Variants in CFAP95 observed in about 807,000 individuals in gnomAD.
CFAP95 encodes the protein cilia- and flagella-associated protein 95.
At chr9:69,905,792 A>AT in the CFAP95 span, among the ~76,000 whole-genome samples, 1 of 152,264 alleles carries the variant, frequency 6.6e-6, no homozygotes, top group African/African-American at 2.4e-5. Context: ...TGCAATAGCC[A>AT]TTTTTTTAAC....
At chr9:69,825,685 C>G in the CFAP95 span, among the ~76,000 whole-genome samples, 3 of 152,124 alleles carry the variant, frequency 2.0e-5, no homozygotes, top group Non-Finnish European at 2.9e-5. Flanking sequence ...AGGATATCTT[C>G]CCACTCATTG....
At chr9:69,862,420 A>C in the CFAP95 span, among the ~76,000 whole-genome samples, 1 of 152,236 alleles carries the variant, frequency 6.6e-6, no homozygotes, top group African/African-American at 2.4e-5. Flanking sequence ...TTCCATATGT[A>C]ATTCTTTCTT....
At chr9:69,888,542 G>T in the CFAP95 span, among the ~76,000 whole-genome samples, 2 of 152,084 alleles carry the variant, frequency 1.3e-5, no homozygotes, top group Admixed American at 1.3e-4. Flanking sequence ...AAGACAAAAA[G>T]ATTTTTCTTT....
At chr9:69,841,653 A>G in the CFAP95 span, among the ~76,000 whole-genome samples, 2 of 152,200 alleles carry the variant, frequency 1.3e-5, no homozygotes, top group Non-Finnish European at 2.9e-5. Context: ...GACATACACA[A>G]GACTGGGTAA....
At chr9:69,900,243 A>G in the CFAP95 span, among the ~76,000 whole-genome samples, 43 of 152,074 alleles carry the variant, frequency 2.8e-4, 2 homozygotes, top group South Asian at 8.5e-3. Flanking sequence ...TCTCCCCTGA[A>G]AAAAGTATAT....
chr9:69,821,467 G>A, the CFAP95 span, among the ~76,000 whole-genome samples: 1 of 152,030 alleles, frequency 6.6e-6, no homozygotes, highest in Non-Finnish European at 1.5e-5. Context: ...GTGAAAAGGG[G>A]GTGCTGTCAG....
the CFAP95 span, among the ~76,000 whole-genome samples, chr9:69,845,512 G>A: frequency 1.3e-5 from 2 of 152,158 alleles, no homozygotes; most frequent in East Asian, 1.9e-4. Flanking sequence ...GTAAAAAGAC[G>A]CATAATTCCA....
At chr9:69,850,507 A>G in the CFAP95 span, among the ~76,000 whole-genome samples, 1 of 152,240 alleles carries the variant, frequency 6.6e-6, no homozygotes, top group African/African-American at 2.4e-5. Flanking sequence ...ATGTCCTAAA[A>G]GGGATACAAA....
chr9:69,871,454 G>A, the CFAP95 span, among the ~76,000 whole-genome samples: 1 of 151,892 alleles, frequency 6.6e-6, no homozygotes, highest in African/African-American at 2.4e-5. Flanking sequence ...AGAAAACAGA[G>A]AACAGATTGG....
At chr9:69,858,088 T>C in the CFAP95 span, 3 of 900,360 alleles carry the variant, frequency 3.3e-6, no homozygotes, top group African/African-American at 4.9e-5. Flanking sequence ...AAATGCCCTT[T>C]ACATGACATC....
the CFAP95 span, among the ~76,000 whole-genome samples, chr9:69,832,585 T>G: frequency 1.3e-5 from 2 of 149,934 alleles, no homozygotes; most frequent in Non-Finnish European, 1.5e-5. Flanking sequence ...CTGTGATAAT[T>G]TTCTTTATTT....
At chr9:69,896,343 A>G in the CFAP95 span, among the ~76,000 whole-genome samples, 5 of 152,386 alleles carry the variant, frequency 3.3e-5, no homozygotes, top group Admixed American at 1.3e-4. Flanking sequence ...GATGCTGGCC[A>G]TAACAAAAAT....
the CFAP95 span, among the ~76,000 whole-genome samples, chr9:69,851,623 G>T: frequency 6.6e-6 from 1 of 152,094 alleles, no homozygotes; most frequent in Admixed American, 6.5e-5. Flanking sequence ...AGACTATTTT[G>T]TGACAAGAAG....
chr9:69,897,135 T>G, the CFAP95 span, among the ~76,000 whole-genome samples: 1 of 152,212 alleles, frequency 6.6e-6, no homozygotes, highest in Non-Finnish European at 1.5e-5. Flanking sequence ...ACATGATGTA[T>G]GCTGGAAATA....
chr9:69,886,849 C>A, the CFAP95 span: 1 of 1,612,964 alleles, frequency 6.2e-7, no homozygotes. Flanking sequence ...TGTGCATTGA[C>A]AACGTACTCA....
chr9:69,826,529 T>A, the CFAP95 span, among the ~76,000 whole-genome samples: 1 of 152,182 alleles, frequency 6.6e-6, no homozygotes, highest in African/African-American at 2.4e-5. Context: ...GGTAACAACA[T>A]GCTGCAGCCT....
At chr9:69,856,665 T>C in the CFAP95 span, 2 of 1,600,658 alleles carry the variant, frequency 1.2e-6, no homozygotes, top group South Asian at 2.2e-5. Context: ...GCTCCGGGAT[T>C]ATCGAAAGGT....
the CFAP95 span, among the ~76,000 whole-genome samples, chr9:69,848,435 T>A: frequency 6.6e-6 from 1 of 152,216 alleles, no homozygotes; most frequent in African/African-American, 2.4e-5. Flanking sequence ...TCTTCTATCA[T>A]GGGACATGCC....
the CFAP95 span, among the ~76,000 whole-genome samples, chr9:69,889,548 C>T: frequency 6.6e-6 from 1 of 152,166 alleles, no homozygotes; most frequent in Non-Finnish European, 1.5e-5. Flanking sequence ...CTCAGCCAAT[C>T]TTTTCAGTTC....
Sources: allele counts gnomAD v4.1 joint callset (sites outside exome capture counted in the v4.1 genomes callset), GRCh38; gene constraint gnomAD v4.1.1; transcripts MANE v1.5; gene names NCBI Gene and HGNC (gene_info 2026-07-23, HGNC 2026-07-21).